The following FER1L6 variants were observed in gnomAD, a reference collection of about 807,000 sequenced individuals.
FER1L6 encodes the protein fer-1-like protein 6.
A neutral mutation model predicts 219.2 loss-of-function variants in FER1L6; 177 were observed. The ratio of observed to expected loss-of-function variants is 0.81; its 90% CI spans 0.71 to 0.91. FER1L6 has a LOEUF of 0.91. FER1L6 is among the 40% of genes least tolerant of loss of function. The pLI, the probability that FER1L6 is intolerant of heterozygous loss-of-function variation, is 0.00. For missense variants in FER1L6, 2,153 were observed against 2,259.9 expected (o/e 0.95, Z 0.96); for synonymous variants, 768 against 824.3 (o/e 0.93, Z 1.17).
At chr8:123,944,989 A>G (rs1421876123) in intron 1 of FER1L6, among the ~76,000 whole-genome samples, 1 of 152,178 alleles carries the variant, frequency 6.6e-6, no homozygotes, top group East Asian at 1.9e-4. Flanking sequence ...TAAGTTCAAT[A>G]TATGGATTTC....
chr8:123,981,914 TTTG>T (rs556201411), intron 11 of FER1L6, among the ~76,000 whole-genome samples: 3 of 152,178 alleles, frequency 2.0e-5, no homozygotes, highest in South Asian at 2.1e-4. Flanking sequence ...AGGCAATGCA[TTTG>T]TTGTTGTTGT....
intron 37 of FER1L6, among the ~76,000 whole-genome samples, chr8:124,100,342 T>C (rs980503800): frequency 9.2e-5 from 14 of 152,186 alleles, no homozygotes; most frequent in African/African-American, 9.7e-5. Flanking sequence ...AAGAACATGA[T>C]AGGTAATTTG....
intron 1 of FER1L6, among the ~76,000 whole-genome samples, chr8:123,906,934 TCTGTAAC>T (rs1812965268): frequency 6.6e-6 from 1 of 152,164 alleles, no homozygotes; most frequent in Admixed American, 6.5e-5. Context: ...GCATTGATAT[TCTGTAAC>T]CTGTGGACAA....
chr8:123,959,017 T>C (rs1048710714), intron 2 of FER1L6, among the ~76,000 whole-genome samples: 11 of 151,964 alleles, frequency 7.2e-5, no homozygotes, highest in African/African-American at 2.7e-4. Flanking sequence ...TAATTGCAGA[T>C]TGTGTATGGA....
chr8:124,049,782 A>G, intron 22 of FER1L6, 26 bp downstream of exon 22: 1 of 1,613,032 alleles, frequency 6.2e-7, no homozygotes, highest in Non-Finnish European at 8.5e-7. Flanking sequence ...GTGGCACGAG[A>G]TCTATTAGGT....
At chr8:124,116,435 C>T (rs1297141500) in intron 39 of FER1L6, among the ~76,000 whole-genome samples, 1 of 144,564 alleles carries the variant, frequency 6.9e-6, no homozygotes, top group Admixed American at 7.0e-5. Context: ...TATAAAGTGC[C>T]ATAGCCAAAA....
intron 12 of FER1L6, among the ~76,000 whole-genome samples, chr8:123,988,497 C>T (rs1816701798): frequency 6.6e-6 from 1 of 152,120 alleles, no homozygotes; most frequent in South Asian, 2.1e-4. Flanking sequence ...TCTTCAATTT[C>T]TTTAACCAGT....
intron 18 of FER1L6, among the ~76,000 whole-genome samples, chr8:124,028,614 G>C (rs1286817424): frequency 2.6e-5 from 4 of 152,176 alleles, no homozygotes; most frequent in South Asian, 2.1e-4. Context: ...TTATTCTGTA[G>C]AGCTGCTGTT....
intron 21 of FER1L6, 30 bp downstream of exon 21, chr8:124,045,931 A>G (rs1174161170): frequency 3.0e-5 from 48 of 1,605,832 alleles, no homozygotes; most frequent in Non-Finnish European, 3.5e-5. Context: ...AGTGCTGACC[A>G]CACCTCATAA....
At position 124,111,600 on chromosome 8, in the gene FER1L6, A is replaced by T. The variant is rs1163366460; in HGVS notation, c.5290-7244A>T. On this transcript the variant is annotated intron_variant, in intron 39 of 40. Transcript: ENST00000522917. This position sits in a 1 kb window ranked among gnomAD's most constrained non-coding sequence, Gnocchi z 5.0. ...CTGCTAGTTGCTCATTTTTATGGTT[A>T]TTTCTTGATGATATGCTAAACAGGG... Among the ~76,000 whole-genome samples the T allele has an allele frequency of 6.6e-6, 1 of 152,128 alleles. No individual in the cohort carries two copies. Among genetic ancestry groups the T allele is most frequent in the East Asian group, 1.9e-4 (1 of 5,190 alleles).
chr8:123,868,064 C>G (rs542687963), intron 1 of FER1L6, among the ~76,000 whole-genome samples: 109 of 152,242 alleles, frequency 7.2e-4, no homozygotes, highest in Non-Finnish European at 1.3e-3. Context: ...TGGCTTTTTT[C>G]CCTCGACATT....
intron 6 of FER1L6, 108 bp downstream of exon 6, chr8:123,970,205 G>A (rs1815738466): frequency 7.0e-6 from 7 of 1,006,718 alleles, no homozygotes; most frequent in Non-Finnish European, 1.1e-5. Context: ...GATTCAGGAG[G>A]GCAAGTGTCA....
At chr8:124,048,190 C>T (rs1819820995) in intron 21 of FER1L6, among the ~76,000 whole-genome samples, 1 of 152,238 alleles carries the variant, frequency 6.6e-6, no homozygotes, top group Admixed American at 6.5e-5. Flanking sequence ...CCTTCTACAG[C>T]TGGGGTTGCA....
At chr8:123,901,510 C>A (rs1812855146) in intron 1 of FER1L6, among the ~76,000 whole-genome samples, 1 of 146,290 alleles carries the variant, frequency 6.8e-6, no homozygotes, top group Admixed American at 7.0e-5. Context: ...GTGCTCTGAT[C>A]TTGGTTATTT....
chr8:123,936,217 C>T (rs72709139), intron 1 of FER1L6, among the ~76,000 whole-genome samples: 8,010 of 152,152 alleles, frequency 0.053, 280 homozygotes, highest in Non-Finnish European at 0.081. Flanking sequence ...GCTCTGAACC[C>T]CCCAACCCAT....
intron 1 of FER1L6, among the ~76,000 whole-genome samples, chr8:123,871,466 T>G (rs1816923562): frequency 6.6e-6 from 1 of 151,728 alleles, no homozygotes; most frequent in Non-Finnish European, 1.5e-5. Flanking sequence ...CCCTGCCCAC[T>G]CCCCTCCCCC....
chr8:124,012,714 A>G (rs1359070261), intron 14 of FER1L6, among the ~76,000 whole-genome samples: 1 of 152,220 alleles, frequency 6.6e-6, no homozygotes, highest in Non-Finnish European at 1.5e-5. Context: ...CTATGCCACA[A>G]TGTTTCCTAT....
At chr8:123,921,007 G>C (rs1035977190) in intron 1 of FER1L6, among the ~76,000 whole-genome samples, 9 of 152,144 alleles carry the variant, frequency 5.9e-5, no homozygotes. Context: ...GTTCATCCAT[G>C]TTGTGGCATG....
At chr8:123,990,851 G>C (rs1336519257) in intron 12 of FER1L6, among the ~76,000 whole-genome samples, 1 of 152,098 alleles carries the variant, frequency 6.6e-6, no homozygotes, top group African/African-American at 2.4e-5. Context: ...GTGGTTTCTG[G>C]TCTTAGATTT....
Sources: allele counts gnomAD v4.1 joint callset (sites outside exome capture counted in the v4.1 genomes callset), GRCh38; gene constraint gnomAD v4.1.1; non-coding constraint Gnocchi (gnomAD v3.1); transcripts MANE v1.5; gene names NCBI Gene and HGNC (gene_info 2026-07-23, HGNC 2026-07-21).